The following OR2T11 variants were observed in gnomAD, a reference collection of about 807,000 sequenced individuals.
OR2T11 encodes the protein olfactory receptor 2T11.
A neutral mutation model predicts 13.5 loss-of-function variants in OR2T11; 14 were observed. The observed-to-expected ratio is 1.04, with a 90% confidence interval of 0.69 to 1.62. The LOEUF (loss-of-function observed/expected upper bound fraction) is 1.62. Among genes scored for constraint, OR2T11 ranks in the 40% most tolerant of loss-of-function variants. OR2T11 has a pLI of 0.00. For missense variants in OR2T11, 410 were observed against 389.7 expected (o/e 1.05, Z -0.44); for synonymous variants, 163 against 154.6 (o/e 1.05, Z -0.40).
rs1228518109 is a variant in OR2T11, at chr1:248,633,921, G to GTGATTTCTATTAA, written c.-145+1116_-145+1117insTTAATAGAAATCA. On this transcript the variant is annotated intron_variant, in intron 1 of 1. Coordinates refer to ENST00000641193, the MANE Select transcript of OR2T11 (RefSeq NM_001001964.2). ...AAAAGCCAATGACTTTTTCACATAA[G>GTGATTTCTATTAA]CTCCAATTTTAAAATAGTTAATAGA... Among the ~76,000 whole-genome samples, 12 of 142,854 alleles carry GTGATTTCTATTAA rather than the reference G, an allele frequency of 8.4e-5. 1 individual carries two copies. The highest frequency in any genetic ancestry group is 2.2e-4 in the South Asian group (1 of 4,546). 93.7% of individuals were successfully genotyped at this position (142,854 alleles called of 152,430 possible). A position where few individuals can be genotyped will look rare whatever the true frequency, so the allele number is the denominator to read the frequency against.
In OR2T11 at chr1:248,624,099, C is replaced by A. The variant is rs566730781; in HGVS notation, c.*2079G>T. On this transcript the variant is annotated 3_prime_UTR_variant, in exon 2 of 2. Transcript: ENST00000641193. The stretch of plus-strand genomic sequence containing the variant: ...AGTTGGCCATGCTCTTACAAAAGTT[C>A]AAACTCTCCACTTCTAAACTGGTTT... 2.1e-5 allele frequency: 3 copies of A among 142,488 alleles called. No individual in the cohort carries two copies. Among genetic ancestry groups the A allele is most frequent in the Non-Finnish European group, 4.5e-5 (3 of 66,082 alleles). 8.8% of individuals were successfully genotyped at this position (142,488 alleles called of 1,614,324 possible).
Position 248,634,513 on chromosome 1 carries a change from A to G in OR2T11, c.-145+525T>C, listed in dbSNP as rs1459309447. On this transcript the variant is annotated intron_variant, in intron 1 of 1. Transcript: ENST00000641193. ...GGAGTCACCCAGGTTTAAGAAATCC[A>G]TCCTCAGTACAATCCCAGCTGAAAA... Among the ~76,000 whole-genome samples the G allele has an allele frequency of 9.1e-5, 13 of 142,972 alleles. 3 individuals carry two copies. The highest frequency in any genetic ancestry group is 1.5e-5 in the Non-Finnish European group (1 of 66,174). 93.8% of individuals were successfully genotyped at this position (142,972 alleles called of 152,430 possible). A position where few individuals can be genotyped will look rare whatever the true frequency, so the allele number is the denominator to read the frequency against.
In OR2T11 at chr1:248,625,914, A is replaced by G. The variant is rs1236712964; in HGVS notation, c.*264T>C. 7.0e-5 allele frequency: 20 copies of G among 285,318 alleles called. No homozygotes were observed. The highest frequency in any genetic ancestry group is 1.3e-4 in the Non-Finnish European group (20 of 156,816). The allele number at this position is 285,318 out of a possible 1,614,324, so 17.7% of individuals were successfully genotyped here. On this transcript the variant is annotated 3_prime_UTR_variant, in exon 2 of 2. Transcript: ENST00000641193. ...GAGTGAAAGGTTGCTGTGAACTCTA[A>G]TATTTGGGGTTTTTCTTCCCTAAAT...
chr1:248,627,072 C>T lies in OR2T11; in HGVS notation c.57G>A (p.Glu19=). The T allele has an allele frequency of 6.4e-7, 1 of 1,570,724 alleles. No homozygotes were observed. Among genetic ancestry groups the T allele is most frequent in the Non-Finnish European group, 8.7e-7 (1 of 1,155,382 alleles). Residue 19 remains glutamate, a synonymous_variant, in exon 2 of 2, where the codon GAG becomes GAA. Coordinates refer to ENST00000641193, the MANE Select transcript of OR2T11 (RefSeq NM_001001964.2). ...TCACTGTAAATACAATCCCGGCAGC[C>T]TCACTGTTCACCAGAAGCCCCAGGA... The part of the protein sequence containing the change: ...FTLLGLLVNS[E]AAGIVFTVIL...
chr1:248,626,362 T>C lies in OR2T11; in HGVS notation c.767A>G (p.Tyr256Cys). The C allele has an allele frequency of 6.4e-7, 1 of 1,573,036 alleles. No homozygotes were observed. ...GGTGTGGAAGGACTGGGGCAGCACG[T>C]ATGTGTAGAAGGCAGCCCCATAGAA... ...SIFYGAAFYT[Y>C]VLPQSFHTPE... The change falls in exon 2 of 2, where the codon TAC becomes TGC. Residue 256 changes from tyrosine to cysteine, a missense_variant. Transcript: ENST00000641193.
In OR2T11 at chr1:248,632,540, T is replaced by C. The variant is rs1426880889; in HGVS notation, c.-145+2498A>G. Among the ~76,000 whole-genome samples the C allele has an allele frequency of 2.2e-5, 3 of 137,718 alleles. 1 individual carries two copies. Among genetic ancestry groups the C allele is most frequent in the African/African-American group, 8.8e-5 (3 of 34,164 alleles). 90.3% of individuals were successfully genotyped at this position (137,718 alleles called of 152,430 possible). ...GACAGTTGAGGGACCATTTCTGAAA[T>C]GATTATTCACAACTTGAGCCAGATC... On this transcript the variant is annotated intron_variant, in intron 1 of 1. Coordinates refer to ENST00000641193, the MANE Select transcript of OR2T11 (RefSeq NM_001001964.2).
intron 1 of OR2T11, among the ~76,000 whole-genome samples, chr1:248,629,882 C>T (rs1262182972): frequency 7.1e-6 from 1 of 141,436 alleles, no homozygotes; most frequent in East Asian, 2.1e-4. Flanking sequence ...GGGCTTTGCT[C>T]AAAAGCCACC....
Position 248,627,256 on chromosome 1 carries a change from A to G in OR2T11, c.-128T>C, listed in dbSNP as rs938854305. On this transcript the variant is annotated 5_prime_UTR_variant, in exon 2 of 2. Coordinates refer to ENST00000641193, the MANE Select transcript of OR2T11 (RefSeq NM_001001964.2). ...ACTTCTGAGGGTACCGTCAGGATGA[A>G]GCTTCCAGGCTAGAGGCTAGAGAAG... 9.7e-5 allele frequency: 59 copies of G among 605,352 alleles called. 10 individuals carry two copies. The highest frequency in any genetic ancestry group is 1.6e-4 in the Non-Finnish European group (56 of 350,624). 37.5% of individuals were successfully genotyped at this position (605,352 alleles called of 1,614,324 possible). A position where few individuals can be genotyped will look rare whatever the true frequency, so the allele number is the denominator to read the frequency against.
chr1:248,628,513 CTA>C (rs1660554719), intron 1 of OR2T11, among the ~76,000 whole-genome samples: 1 of 140,852 alleles, frequency 7.1e-6, no homozygotes, highest in Non-Finnish European at 1.5e-5. Context: ...GGATTCTCAG[CTA>C]TGTTTGACTT....
rs1163605839 is a variant in OR2T11, at chr1:248,626,982, G to A, written c.147C>T (p.Asp49=). 6.4e-7 allele frequency: 1 copy of A among 1,570,930 alleles called. No individual in the cohort carries two copies. The highest frequency in any genetic ancestry group is 1.5e-5 in the African/African-American group (1 of 66,582). Residue 49 remains aspartate (D), a synonymous_variant, in exon 2 of 2, where the codon GAC becomes GAT. Coordinates refer to ENST00000641193, the MANE Select transcript of OR2T11 (RefSeq NM_001001964.2). ...AGTACATGGGGGTGTGGAGGCGAGA[G>A]TCCACCTGAATCAAGAATATCATGA... ...NLVMIFLIQV[D]SRLHTPMYFL...
rs1322003704 is a variant in OR2T11 at position 248,625,229 on chromosome 1, C to T, written c.*949G>A. ...CTTTGTGTCCACACCCTACACAAGC[C>T]ATCCTTGTTTCTCATCTCTGAAACC... On this transcript the variant is annotated 3_prime_UTR_variant, in exon 2 of 2. Coordinates refer to ENST00000641193, the MANE Select transcript of OR2T11 (RefSeq NM_001001964.2). The T allele has an allele frequency of 7.0e-6, 1 of 143,640 alleles. No homozygotes were observed. Among genetic ancestry groups the T allele is most frequent in the African/African-American group, 2.7e-5 (1 of 36,496 alleles). 8.9% of individuals were successfully genotyped at this position (143,640 alleles called of 1,614,324 possible). A position where few individuals can be genotyped will look rare whatever the true frequency, so the allele number is the denominator to read the frequency against.
At position 248,626,734 on chromosome 1, in the gene OR2T11, A is replaced by G. The variant is rs1287482326; in HGVS notation, c.395T>C (p.Leu132Pro). Residue 132 changes from leucine to proline, a missense_variant, in exon 2 of 2, where the codon CTG (leucine) becomes CCG (proline). Physicochemically the swap from Leu to Pro is moderately conservative, Grantham distance 98. Coordinates refer to ENST00000641193, the MANE Select transcript of OR2T11 (RefSeq NM_001001964.2). ...CAAAAGACACTTCTTGCGGTTCATC[A>G]GGACTGGGTATCTCAGAGGGTTACA... Reference protein sequence around the residue: ...AVCNPLRYPVLMNRKKCLLLA... With the variant: ...AVCNPLRYPVPMNRKKCLLLA... The G allele has an allele frequency of 1.3e-6, 2 of 1,573,452 alleles. No individual in the cohort carries two copies. The highest frequency in any genetic ancestry group is 2.2e-5 in the South Asian group (2 of 88,918).
chr1:248,628,202 T>C lies in OR2T11; in HGVS notation c.-144-930A>G, dbSNP rs777817637. Among the ~76,000 whole-genome samples the C allele has an allele frequency of 1.4e-5, 2 of 143,250 alleles. 1 individual carries two copies. The highest frequency in any genetic ancestry group is 3.0e-5 in the Non-Finnish European group (2 of 66,264). 94.0% of individuals were successfully genotyped at this position (143,250 alleles called of 152,430 possible). On this transcript the variant is annotated intron_variant, in intron 1 of 1. Coordinates refer to ENST00000641193, the MANE Select transcript of OR2T11 (RefSeq NM_001001964.2). ...AAGCTACGGAGCAGATACATGGAAA[T>C]GTGACAGCAACAGGCCACCGTTTAA...
rs750255741 is a variant in OR2T11, at chr1:248,626,154, C to G, written c.*24G>C. On this transcript the variant is annotated 3_prime_UTR_variant, in exon 2 of 2. Coordinates refer to ENST00000641193, the MANE Select transcript of OR2T11 (RefSeq NM_001001964.2). ...GCAAATGGAGGAAGTCCTTAGGAAG[C>G]CTTATCCTCTGGGCAGTGACTCTCT... is the stretch of plus-strand genomic sequence containing the variant. 7.6e-7 allele frequency: 1 copy of G among 1,315,544 alleles called. No homozygotes were observed. The highest frequency in any genetic ancestry group is 1.1e-6 in the Non-Finnish European group (1 of 929,714). The allele number at this position is 1,315,544 out of a possible 1,614,324, so 81.5% of individuals were successfully genotyped here.
intron 1 of OR2T11, among the ~76,000 whole-genome samples, chr1:248,630,862 A>T (rs897262522): frequency 2.8e-5 from 4 of 143,372 alleles, no homozygotes; most frequent in African/African-American, 5.5e-5. Context: ...AAGAACTCTG[A>T]GATGAGGAGA....
In OR2T11 at chr1:248,625,654, G is replaced by C; in HGVS notation, c.*524C>G. The C allele has an allele frequency of 1.4e-5, 2 of 147,114 alleles. 1 individual carries two copies. The highest frequency in any genetic ancestry group is 2.9e-5 in the Non-Finnish European group (2 of 68,468). The allele number at this position is 147,114 out of a possible 1,614,324, so 9.1% of individuals were successfully genotyped here. ...TTTGATAGCTGCTGTCTGTACTCAAGAGGGTCAGAGATTCAACGATAATAT... is the reference window on the plus strand; with the variant it reads ...TTTGATAGCTGCTGTCTGTACTCAACAGGGTCAGAGATTCAACGATAATAT... On this transcript the variant is annotated 3_prime_UTR_variant, in exon 2 of 2. Coordinates refer to ENST00000641193, the MANE Select transcript of OR2T11 (RefSeq NM_001001964.2).
rs563852240 is a variant in OR2T11 at position 248,634,487 on chromosome 1, G to A, written c.-145+551C>T. On this transcript the variant is annotated intron_variant, in intron 1 of 1. Coordinates refer to ENST00000641193, the MANE Select transcript of OR2T11 (RefSeq NM_001001964.2). ...GCTGCTAAGTGTGTGACATGGTCAC[G>A]GGAGTCACCCAGGTTTAAGAAATCC... is the stretch of plus-strand genomic sequence containing the variant. 5.4e-4 allele frequency among the ~76,000 whole-genome samples: 77 copies of A among 143,038 alleles called. 8 individuals carry two copies. Among genetic ancestry groups the A allele is most frequent in the Non-Finnish European group, 7.9e-4 (52 of 66,162 alleles). 93.8% of individuals were successfully genotyped at this position (143,038 alleles called of 152,430 possible).
intron 1 of OR2T11, among the ~76,000 whole-genome samples, chr1:248,631,070 A>C (rs1892445): frequency 0.88 from 123,531 of 140,782 alleles, 58,503 homozygotes; most frequent in East Asian, 1. Context: ...GAAATAGATT[A>C]TCTCCTAAAA....
rs180908669 is a variant in OR2T11, at chr1:248,630,318, G to A, written c.-144-3046C>T. 5.6e-4 allele frequency among the ~76,000 whole-genome samples: 81 copies of A among 143,364 alleles called. 14 individuals carry two copies. Among genetic ancestry groups the A allele is most frequent in the African/African-American group, 2.2e-3 (80 of 36,476 alleles). The allele number at this position is 143,364 out of a possible 152,430, so 94.1% of individuals were successfully genotyped here. ...AATAAATAACAAGTTTCTAAGATCA[G>A]ACAGCAATACAACTTCTAAATCATT... On this transcript the variant is annotated intron_variant, in intron 1 of 1. Transcript: ENST00000641193.
Sources: gnomAD v4.1 joint callset for allele counts (sites outside exome capture counted in the v4.1 genomes callset) on GRCh38, gnomAD v4.1.1 for gene constraint, MANE v1.5 for transcripts, NCBI Gene and HGNC (gene_info 2026-07-23, HGNC 2026-07-21) for gene names.